CADM2: variants seen among roughly 807,000 people sequenced by gnomAD.
The protein encoded by CADM2 is immunoglobulin superfamily member 4D.
In CADM2, 12 loss-of-function variants were observed where a neutral mutation model predicts 49.8. The ratio of observed to expected loss-of-function variants is 0.24; its 90% confidence interval spans 0.15 to 0.39. CADM2 has a LOEUF of 0.39. CADM2 is among the 10% of genes least tolerant of loss of function. CADM2 has a pLI of 1.00. For missense variants in CADM2, 378 were observed against 492.3 expected (o/e 0.77, Z 2.20); for synonymous variants, 214 against 175.4 (o/e 1.22, Z -1.74).
chr3:85,830,236 C>T (rs1405011926), intron 3 of CADM2, among the ~76,000 whole-genome samples: 1 of 151,860 alleles, frequency 6.6e-6, no homozygotes, highest in Non-Finnish European at 1.5e-5. Context: ...TGTGATATCT[C>T]ATTGTAGATT....
chr3:85,606,481 C>T (rs577796253), intron 1 of CADM2, among the ~76,000 whole-genome samples: 15 of 152,046 alleles, frequency 9.9e-5, no homozygotes, highest in East Asian at 1.9e-4. Context: ...AAAACATATG[C>T]ATATTAGAAT....
At chr3:85,147,724 C>T (rs2039797135) in intron 1 of CADM2, among the ~76,000 whole-genome samples, 1 of 152,002 alleles carries the variant, frequency 6.6e-6, no homozygotes, top group South Asian at 2.1e-4. Context: ...TAAATTTGTT[C>T]AGGATGTTAA....
chr3:85,660,824 G>T (rs902150316), intron 1 of CADM2, among the ~76,000 whole-genome samples: 4 of 151,760 alleles, frequency 2.6e-5, no homozygotes, highest in African/African-American at 9.7e-5. Context: ...AAACTGACCA[G>T]CATGTACAGT....
chr3:85,368,972 G>A (rs1200634985), intron 1 of CADM2, among the ~76,000 whole-genome samples: 2 of 152,024 alleles, frequency 1.3e-5, no homozygotes, highest in Non-Finnish European at 2.9e-5. Flanking sequence ...GATGACTGTT[G>A]TACTTTATCT....
intron 8 of CADM2, chr3:85,979,325 C>T (rs182138714): frequency 1.3e-6 from 2 of 1,594,820 alleles, no homozygotes; most frequent in Non-Finnish European, 1.7e-6. Context: ...AGCACATTAA[C>T]TGGAGCTCTG....
intron 1 of CADM2, among the ~76,000 whole-genome samples, chr3:85,223,904 C>T (rs1297602739): frequency 6.6e-6 from 1 of 152,180 alleles, no homozygotes. Flanking sequence ...TTTCCAGCTT[C>T]ATCCATGTCC....
intron 1 of CADM2, among the ~76,000 whole-genome samples, chr3:85,203,968 C>T (rs763399230): frequency 2.0e-5 from 3 of 152,066 alleles, no homozygotes; most frequent in African/African-American, 4.8e-5. Context: ...TTAAAAATGC[C>T]TATAAGAAGT....
chr3:85,343,293 T>G (rs1191096257), intron 1 of CADM2, among the ~76,000 whole-genome samples: 1 of 152,164 alleles, frequency 6.6e-6, no homozygotes, highest in African/African-American at 2.4e-5. Flanking sequence ...TATATCAACA[T>G]ATTTTGTCTA....
At chr3:85,815,627 A>G (rs2073160473) in intron 3 of CADM2, among the ~76,000 whole-genome samples, 1 of 152,214 alleles carries the variant, frequency 6.6e-6, no homozygotes, top group South Asian at 2.1e-4. Context: ...TGACAAACCC[A>G]CAGCCAATGT....
intron 1 of CADM2, among the ~76,000 whole-genome samples, chr3:85,581,270 G>A (rs1463301578): frequency 6.6e-6 from 1 of 151,828 alleles, no homozygotes; most frequent in East Asian, 1.9e-4. Flanking sequence ...TACTACACTA[G>A]GTCTATGCAT....
At chr3:85,545,138 G>A (rs1359224770) in intron 1 of CADM2, among the ~76,000 whole-genome samples, 2 of 152,156 alleles carry the variant, frequency 1.3e-5, no homozygotes, top group South Asian at 2.1e-4. Flanking sequence ...GGGCTGGTAT[G>A]GGACTAATAA....
chr3:85,627,510 A>G (rs1298900558), intron 1 of CADM2, among the ~76,000 whole-genome samples: 1 of 152,030 alleles, frequency 6.6e-6, no homozygotes, highest in African/African-American at 2.4e-5. Flanking sequence ...GGAAATTTGA[A>G]AAGACAGTTT....
intron 1 of CADM2, among the ~76,000 whole-genome samples, chr3:85,493,567 A>G (rs1372381852): frequency 3.9e-5 from 6 of 152,232 alleles, no homozygotes; most frequent in Non-Finnish European, 5.9e-5. Context: ...AAACTGACAA[A>G]TACAAGATTT....
chr3:85,786,987 A>T (rs1416820453), intron 2 of CADM2, among the ~76,000 whole-genome samples: 1 of 152,078 alleles, frequency 6.6e-6, no homozygotes, highest in Non-Finnish European at 1.5e-5. Flanking sequence ...TAGTATTGTT[A>T]TTCACTCAAA....
At chr3:85,434,823 G>A (rs2036851206) in intron 1 of CADM2, among the ~76,000 whole-genome samples, 1 of 152,062 alleles carries the variant, frequency 6.6e-6, no homozygotes, top group South Asian at 2.1e-4. Context: ...TCAGGTTAAT[G>A]TGACCCGTTT....
At chr3:86,066,611 T>G in intron 9 of CADM2, 54 bp from the exon 10 acceptor site, 1 of 1,293,848 alleles carries the variant, frequency 7.7e-7, no homozygotes, top group Non-Finnish European at 1.1e-6. Flanking sequence ...GCTTTAATGC[T>G]GGGTATTTTA....
chr3:85,420,481 C>A (rs2036118900), intron 1 of CADM2, among the ~76,000 whole-genome samples: 1 of 152,236 alleles, frequency 6.6e-6, no homozygotes. Flanking sequence ...TGTAGAATTT[C>A]TATTTGTATG....
chr3:85,334,668 C>T (rs2045028213), intron 1 of CADM2, among the ~76,000 whole-genome samples: 1 of 151,436 alleles, frequency 6.6e-6, no homozygotes, highest in Non-Finnish European at 1.5e-5. Flanking sequence ...TTACAAAAAC[C>T]TTTTCAAATG....
intron 3 of CADM2, among the ~76,000 whole-genome samples, chr3:85,829,083 C>T (rs987034146): frequency 6.6e-6 from 1 of 151,890 alleles, no homozygotes; most frequent in Non-Finnish European, 1.5e-5. Flanking sequence ...TCTTGTAACA[C>T]TGATTTATAA....
Sources: gnomAD v4.1 joint callset for allele counts (sites outside exome capture counted in the v4.1 genomes callset) on GRCh38, gnomAD v4.1.1 for gene constraint, MANE v1.5 for transcripts, NCBI Gene and HGNC (gene_info 2026-07-23, HGNC 2026-07-21) for gene names.